Variants in SEC16A observed in about 807,000 individuals in gnomAD.
SEC16A encodes SEC16 homolog A, endoplasmic reticulum export factor, also known as protein transport protein Sec16A.
A neutral mutation model predicts 221.9 loss-of-function variants in SEC16A; 110 were observed. That is an observed-to-expected ratio of 0.50 (90% confidence interval 0.42 to 0.58). The LOEUF (loss-of-function observed/expected upper bound fraction) is 0.58, where lower values mean the gene tolerates loss of function less well. Ranked by LOEUF, SEC16A falls within the 20% of genes least tolerant of loss-of-function variation. The pLI, the probability that SEC16A is intolerant of heterozygous loss-of-function variation, is 0.00. For missense variants in SEC16A, 3,165 were observed against 3,097.8 expected (o/e 1.02, Z -0.52); for synonymous variants, 1,393 against 1,257.7 (o/e 1.11, Z -2.28).
chr9:136,458,627 CAA>C (rs1392292293), intron 17 of SEC16A, among the ~76,000 whole-genome samples: 31 of 101,896 alleles, frequency 3.0e-4, no homozygotes, highest in Admixed American at 4.3e-4. Flanking sequence ...GACTCGGTCT[CAA>C]AAAAAAAAAA....
intron 20 of SEC16A, 117 bp downstream of exon 20, chr9:136,455,484 T>G (rs1838507784): frequency 1.0e-6 from 1 of 968,548 alleles, no homozygotes; most frequent in Non-Finnish European, 1.5e-6. Flanking sequence ...TGTGAGACAC[T>G]GCCTCCAACA....
At chr9:136,445,140 C>A in intron 29 of SEC16A, 29 bp from the exon 30 acceptor site, 1 of 1,585,756 alleles carries the variant, frequency 6.3e-7, no homozygotes. Context: ...ACACATAAAA[C>A]ACGGACGAAA....
At chr9:136,461,623 G>A (rs912749449) in intron 12 of SEC16A, among the ~76,000 whole-genome samples, 7 of 152,184 alleles carry the variant, frequency 4.6e-5, no homozygotes, top group African/African-American at 1.7e-4. Context: ...GTTCTAACAG[G>A]AGGCCTCCGC....
intron 20 of SEC16A, 98 bp downstream of exon 20, chr9:136,455,503 C>G (rs939480710): frequency 2.3e-5 from 28 of 1,192,144 alleles, no homozygotes; most frequent in Middle Eastern, 2.9e-4. Context: ...CAGTCCACAT[C>G]TGAAAGCAGT....
rs757244231 is a variant in SEC16A at position 136,477,025 on chromosome 9, G to A, written c.591C>T (p.Thr197=). 3.2e-5 allele frequency: 52 copies of A among 1,613,656 alleles called. 1 individual carries two copies. In the South Asian group the frequency reaches 5.4e-4, roughly 17 times the overall value. ...SRQNPHDGVV[T]PAASPSLPQP... Reference sequence around the variant, plus strand: ...GAGGGAGGGAAGGGGATGCTGCTGGGGTGACCACACCGTCATGTGGGTTTT... The same window carrying A: ...GAGGGAGGGAAGGGGATGCTGCTGGAGTGACCACACCGTCATGTGGGTTTT... The change falls in exon 3 of 32, where the codon ACC becomes ACT. Residue 197 remains threonine, a synonymous_variant. Coordinates refer to ENST00000684901, the MANE Select transcript of SEC16A (RefSeq NM_014866.2).
chr9:136,444,013 C>T, intron 30 of SEC16A, 113 bp from the exon 31 acceptor site: 1 of 651,512 alleles, frequency 1.5e-6, no homozygotes, highest in South Asian at 2.0e-5. Context: ...TTTACATAAG[C>T]TACAGAAGCA....
At position 136,475,337 on chromosome 9, in the gene SEC16A, G is replaced by C; in HGVS notation, c.2279C>G (p.Pro760Arg). ...CTGCCCGGACATCGCCTCTTCTGGA[G>C]GCTGAACAACAGGTGGCTGAGGTTT... Reference protein sequence around the residue: ...CAKPQPPVVQPPEEAMSGQQS... With the variant: ...CAKPQPPVVQRPEEAMSGQQS... The change falls in exon 3 of 32, where the codon CCT becomes CGT. Residue 760 changes from proline (P) to arginine (R), a missense_variant. Pro to Arg is a moderately radical substitution (Grantham distance 103). Around this residue, in one of 3 missense-constraint regions of SEC16A, gnomAD observed 2,030 missense variants for 1,923.1 expected, o/e 1.06. Transcript: ENST00000684901. This position sits in a 1 kb window ranked among gnomAD's most constrained non-coding sequence, Gnocchi z 5.0. 3.1e-6 allele frequency: 5 copies of C among 1,611,288 alleles called. No homozygotes were observed. The highest frequency in any genetic ancestry group is 4.2e-6 in the Non-Finnish European group (5 of 1,178,010).
rs1441274177 is a variant in SEC16A, at chr9:136,476,200, T to C, written c.1416A>G (p.Pro472=). ...AAGGGTCCAAATTGAGGGGCTCACT[T>C]GGCAGAACTTCTTGATTCTGAACAA... The part of the protein sequence containing the change: ...LEFVQNQEVL[P]SEPLNLDPSS... Residue 472 remains proline (P), a synonymous_variant, in exon 3 of 32, where the codon CCA becomes CCG. Transcript: ENST00000684901. 1.2e-6 allele frequency: 2 copies of C among 1,613,738 alleles called. No homozygotes were observed. Among genetic ancestry groups the C allele is most frequent in the African/African-American group, 2.7e-5 (2 of 74,934 alleles).
rs969018254 is a variant in SEC16A, at chr9:136,440,847, G to C, written c.*908C>G. On this transcript the variant is annotated 3_prime_UTR_variant, in exon 32 of 32. Transcript: ENST00000684901. ...GTACCACGAAAAGTGCTCACGGAAA[G>C]TGCAGCCTTTTAGAGAAGTGCATCC... 5.9e-5 allele frequency: 9 copies of C among 152,422 alleles called. No individual in the cohort carries two copies. The highest frequency in any genetic ancestry group is 2.2e-4 in the African/African-American group (9 of 41,476). 9.4% of individuals were successfully genotyped at this position (152,422 alleles called of 1,614,324 possible). A position where few individuals can be genotyped will look rare whatever the true frequency, so the allele number is the denominator to read the frequency against.
intron 5 of SEC16A, among the ~76,000 whole-genome samples, chr9:136,467,917 G>C (rs950050407): frequency 6.6e-6 from 1 of 152,196 alleles, no homozygotes; most frequent in African/African-American, 2.4e-5. Flanking sequence ...GGACAGATGT[G>C]GCTGCAGCTG....
chr9:136,461,049 C>G, intron 13 of SEC16A, 128 bp downstream of exon 13: 1 of 717,780 alleles, frequency 1.4e-6, no homozygotes, highest in East Asian at 2.7e-5. Context: ...CAAGGAAGCC[C>G]GAGTTCGTGT....
rs771640017 is a variant in SEC16A, at chr9:136,448,066, G to A, written c.6390+18C>T. ...TTACAATTCTTCGGACGTCCCGTGC[G>A]TATTTGACAGCACTCACCGATTTGT... On this transcript the variant is annotated intron_variant, in intron 24 of 31. Transcript: ENST00000684901. The A allele has an allele frequency of 1.3e-5, 21 of 1,603,250 alleles. No individual in the cohort carries two copies. The highest frequency in any genetic ancestry group is 5.5e-5 in the South Asian group (5 of 90,486).
chr9:136,460,171 G>T (rs1449266062), intron 13 of SEC16A, 48 bp from the exon 14 acceptor site: 1 of 1,491,036 alleles, frequency 6.7e-7, no homozygotes, highest in South Asian at 1.2e-5. Context: ...TCAGCTAAAA[G>T]AAAAAAGCCG....
At chr9:136,472,532 C>T (rs1026972132) in intron 3 of SEC16A, among the ~76,000 whole-genome samples, 8 of 152,218 alleles carry the variant, frequency 5.3e-5, no homozygotes, top group Admixed American at 2.6e-4. Context: ...ACAACCCCTG[C>T]GTCCCGCTTC....
chr9:136,463,594 T>A lies in SEC16A; in HGVS notation c.4516A>T (p.Thr1506Ser). 1.2e-6 allele frequency: 2 copies of A among 1,613,792 alleles called. No individual in the cohort carries two copies. Among genetic ancestry groups the A allele is most frequent in the Non-Finnish European group, 1.7e-6 (2 of 1,179,814 alleles). The change falls in exon 11 of 32, where the codon ACC becomes TCC. Residue 1506 changes from threonine (T) to serine (S), a missense_variant. This residue lies in a region of SEC16A where 47 missense variants were observed against 85.0 expected (regional missense o/e 0.55). Transcript: ENST00000684901. Reference sequence around the variant, plus strand: ...AAATTAATGACATCCACCTTATGGGTGTCGTCTCTGCAGAAAGAACACACA... The same window carrying A: ...AAATTAATGACATCCACCTTATGGGAGTCGTCTCTGCAGAAAGAACACACA... The part of the protein sequence containing the change: ...AFPGPLAKDD[T>S]HKVDVINFAQ...
chr9:136,480,468 T>C (rs1181358674), intron 1 of SEC16A, among the ~76,000 whole-genome samples: 1 of 152,228 alleles, frequency 6.6e-6, no homozygotes, highest in East Asian at 1.9e-4. Flanking sequence ...CAGCCACTCC[T>C]CTTTCTGCAA....
At chr9:136,443,294 G>C (rs574986086) in intron 31 of SEC16A, among the ~76,000 whole-genome samples, 5 of 152,246 alleles carry the variant, frequency 3.3e-5, no homozygotes, top group Non-Finnish European at 5.9e-5. Flanking sequence ...GGTGGGCCTG[G>C]TGTCCACACA....
At chr9:136,479,668 C>G (rs979295625) in intron 1 of SEC16A, among the ~76,000 whole-genome samples, 2 of 152,142 alleles carry the variant, frequency 1.3e-5, no homozygotes, top group African/African-American at 4.8e-5. Context: ...CACATCTTTG[C>G]AGATGTATAT....
intron 12 of SEC16A, among the ~76,000 whole-genome samples, 158 bp from the exon 13 acceptor site, chr9:136,461,432 G>C (rs1008207681): frequency 3.3e-5 from 5 of 152,238 alleles, no homozygotes; most frequent in African/African-American, 4.8e-5. Flanking sequence ...AAGACACGTA[G>C]CGATTCATTA....
Sources: gnomAD v4.1 joint callset for allele counts (sites outside exome capture counted in the v4.1 genomes callset) on GRCh38, gnomAD v4.1.1 for gene constraint, gnomAD v4.1.1 regional missense constraint, Gnocchi (gnomAD v3.1) non-coding constraint, MANE v1.5 for transcripts, NCBI Gene and HGNC (gene_info 2026-07-23, HGNC 2026-07-21) for gene names.